Variants in CCDC146 observed in about 807,000 individuals in gnomAD.
The protein encoded by CCDC146 is coiled-coil domain-containing protein 146.
CCDC146 carries 92 observed loss-of-function variants against 119.3 expected under a neutral mutation model. The observed-to-expected ratio is 0.77, with a 90% confidence interval of 0.65 to 0.92. The LOEUF (loss-of-function observed/expected upper bound fraction) is 0.92. Ranked by LOEUF, CCDC146 falls within the 40% of genes least tolerant of loss-of-function variation. The probability of loss-of-function intolerance (pLI) is 0.00; values close to 1 mark genes in which losing one functional copy is unlikely to be tolerated. For missense variants in CCDC146, 1,000 were observed against 1,103.0 expected (o/e 0.91, Z 1.32); for synonymous variants, 372 against 371.8 (o/e 1.00, Z -0.01).
At position 77,196,038 on chromosome 7, in the gene CCDC146, G is replaced by A. The variant is rs1791862460; in HGVS notation, c.156+28214G>A. The A allele has an allele frequency of 6.6e-6, 3 of 453,080 alleles. No homozygotes were observed. The highest frequency in any genetic ancestry group is 1.2e-5 in the Non-Finnish European group (3 of 257,310). The allele number at this position is 453,080 out of a possible 1,614,324, so 28.1% of individuals were successfully genotyped here. A position where few individuals can be genotyped will look rare whatever the true frequency, so the allele number is the denominator to read the frequency against. ...AAATTAAAAGAATTGTAAATCTAAT[G>A]TATAATTCTCAATATTGCTAATTGC... On this transcript the variant is annotated intron_variant, in intron 2 of 18. Coordinates refer to ENST00000285871, the MANE Select transcript of CCDC146 (RefSeq NM_020879.3). The surrounding 1 kb of genome is among the most constrained non-coding windows in gnomAD (Gnocchi z 4.2).
chr7:77,258,225 T>A (rs1793217745), intron 6 of CCDC146: 4 of 152,160 alleles, frequency 2.6e-5, no homozygotes, highest in Admixed American at 2.0e-4. Context: ...CTCAGCTTGC[T>A]CCCCTCCTCC....
At chr7:77,151,714 G>A (rs1791111392) in intron 1 of CCDC146, among the ~76,000 whole-genome samples, 1 of 152,084 alleles carries the variant, frequency 6.6e-6, no homozygotes, top group African/African-American at 2.4e-5. Context: ...AGGTAGCACC[G>A]TGGTTTCAGG....
At chr7:77,215,746 A>G (rs1792290325) in intron 2 of CCDC146, among the ~76,000 whole-genome samples, 1 of 150,722 alleles carries the variant, frequency 6.6e-6, no homozygotes, top group African/African-American at 2.5e-5. Flanking sequence ...TTTACACATA[A>G]CTGTTTCAGA....
chr7:77,128,289 C>T (rs1790737255), intron 1 of CCDC146, among the ~76,000 whole-genome samples: 1 of 151,684 alleles, frequency 6.6e-6, no homozygotes, highest in African/African-American at 2.4e-5. Flanking sequence ...TTCTTGTTCC[C>T]TGTAGAACAA....
chr7:77,235,334 A>G (rs978629306), intron 2 of CCDC146, among the ~76,000 whole-genome samples: 1 of 152,210 alleles, frequency 6.6e-6, no homozygotes, highest in Non-Finnish European at 1.5e-5. Context: ...TATCTTCTTT[A>G]GATTTGGAAG....
chr7:77,204,603 G>A (rs1792050917), intron 2 of CCDC146, among the ~76,000 whole-genome samples: 1 of 152,150 alleles, frequency 6.6e-6, no homozygotes, highest in South Asian at 2.1e-4. Context: ...ATATGCTAAT[G>A]GCACAGGTCT....
intron 1 of CCDC146, among the ~76,000 whole-genome samples, chr7:77,151,869 A>T: frequency 6.6e-6 from 1 of 152,272 alleles, no homozygotes. Flanking sequence ...CTGGTCCACA[A>T]AGCTTTCTGG....
intron 2 of CCDC146, among the ~76,000 whole-genome samples, chr7:77,221,543 T>C (rs750103614): frequency 4.6e-5 from 7 of 152,146 alleles, no homozygotes; most frequent in Admixed American, 3.3e-4. Context: ...TTTCCTTTGG[T>C]GATATGCTCA....
intron 11 of CCDC146, among the ~76,000 whole-genome samples, chr7:77,275,010 T>C (rs1793605367): frequency 6.6e-6 from 1 of 150,790 alleles, no homozygotes. Flanking sequence ...ACATGTATCC[T>C]AGAACTTAAA....
In CCDC146 at chr7:77,282,651, A is replaced by T; in HGVS notation, c.2014A>T (p.Ile672Leu). The T allele has an allele frequency of 6.2e-7, 1 of 1,612,408 alleles. No individual in the cohort carries two copies. ...GATGAAACTAAATGGAGAAATTGAA[A>T]TACATCTACTGGAAGAAAAGATCCA... Reference protein sequence around the residue: ...EKMKLNGEIEIHLLEEKIQFL... With the variant: ...EKMKLNGEIELHLLEEKIQFL... The change falls in exon 15 of 19, where the codon ATA becomes TTA. Residue 672 changes from isoleucine to leucine, a missense_variant. Transcript: ENST00000285871.
Position 77,178,770 on chromosome 7 carries a change from A to G in CCDC146, c.156+10946A>G, listed in dbSNP as rs1201797733. On this transcript the variant is annotated intron_variant, in intron 2 of 18. Transcript: ENST00000285871. Reference sequence around the variant, plus strand: ...TTCAAAATAAGTACTAGGAGAAAGAATAGTATTTTCTCCTTTGAGAGAAGG... The same window carrying G: ...TTCAAAATAAGTACTAGGAGAAAGAGTAGTATTTTCTCCTTTGAGAGAAGG... 2.0e-5 allele frequency among the ~76,000 whole-genome samples: 3 copies of G among 152,234 alleles called. No individual in the cohort carries two copies. The South Asian group carries it at 6.2e-4, about 31-fold the overall frequency.
intron 5 of CCDC146, 71 bp downstream of exon 5, chr7:77,254,634 G>A: frequency 1.2e-6 from 1 of 841,534 alleles, no homozygotes; most frequent in Non-Finnish European, 1.9e-6. Flanking sequence ...AAATATTAAT[G>A]TTTATCACAA....
chr7:77,260,262 T>C, intron 8 of CCDC146, 26 bp downstream of exon 8: 1 of 1,507,324 alleles, frequency 6.6e-7, no homozygotes, highest in Non-Finnish European at 9.0e-7. Context: ...GTATGTTATG[T>C]TCTGTCATCT....
intron 2 of CCDC146, among the ~76,000 whole-genome samples, chr7:77,171,910 A>T (rs2117496021): frequency 6.6e-6 from 1 of 152,366 alleles, no homozygotes; most frequent in South Asian, 2.1e-4. Context: ...GTTGATCCTC[A>T]ATCTAACAAT....
chr7:77,146,688 T>G (rs951673942), intron 1 of CCDC146, among the ~76,000 whole-genome samples: 1 of 151,906 alleles, frequency 6.6e-6, no homozygotes, highest in Non-Finnish European at 1.5e-5. Flanking sequence ...TGGCTGGATA[T>G]GAAATTCTGG....
At chr7:77,243,015 A>G (rs1367899315) in intron 4 of CCDC146, among the ~76,000 whole-genome samples, 1 of 152,204 alleles carries the variant, frequency 6.6e-6, no homozygotes, top group East Asian at 1.9e-4. Context: ...ATCTATATAA[A>G]AAGAAAGCCC....
chr7:77,186,765 TCA>T (rs1791674159), intron 2 of CCDC146, among the ~76,000 whole-genome samples: 1 of 152,142 alleles, frequency 6.6e-6, no homozygotes, highest in Admixed American at 6.6e-5. Flanking sequence ...CATAGCAGAC[TCA>T]CAGAGACTCC....
At chr7:77,156,547 T>C (rs569701007) in intron 1 of CCDC146, among the ~76,000 whole-genome samples, 1 of 152,200 alleles carries the variant, frequency 6.6e-6, no homozygotes, top group Non-Finnish European at 1.5e-5. Flanking sequence ...TAAATATATA[T>C]ACCTACTATG....
intron 4 of CCDC146, among the ~76,000 whole-genome samples, chr7:77,250,768 G>A (rs1318248314): frequency 1.3e-5 from 2 of 149,874 alleles, no homozygotes; most frequent in African/African-American, 2.4e-5. Flanking sequence ...TTCCTCTTAT[G>A]AGTATTTATG....
Sources: allele counts gnomAD v4.1 joint callset (sites outside exome capture counted in the v4.1 genomes callset), GRCh38; gene constraint gnomAD v4.1.1; non-coding constraint Gnocchi (gnomAD v3.1); transcripts MANE v1.5; gene names NCBI Gene and HGNC (gene_info 2026-07-23, HGNC 2026-07-21).